TYK2: variants seen among roughly 807,000 people sequenced by gnomAD.
The protein encoded by TYK2 is tyrosine kinase 2.
A neutral mutation model predicts 130.9 loss-of-function variants in TYK2; 65 were observed. That is an observed-to-expected ratio of 0.50 (90% CI 0.41 to 0.61). TYK2 has a LOEUF of 0.61. TYK2 is among the 20% of genes least tolerant of loss of function. The probability of loss-of-function intolerance (pLI) is 0.00; values close to 1 mark genes in which losing one functional copy is unlikely to be tolerated. For synonymous variants in TYK2, 647 were observed against 658.9 expected, an observed-to-expected ratio of 0.98 and a Z score of 0.28; for missense variants, 1,378 against 1,610.7, an observed-to-expected ratio of 0.86 and a Z score of 2.47.
chr19:10,353,532 C>A lies in TYK2; in HGVS notation c.3023G>T (p.Cys1008Phe). 4.7e-6 allele frequency: 7 copies of A among 1,502,664 alleles called. No homozygotes were observed. Among genetic ancestry groups the A allele is most frequent in the Non-Finnish European group, 6.2e-6 (7 of 1,122,644 alleles). 93.1% of individuals were successfully genotyped at this position (1,502,664 alleles called of 1,614,324 possible). ...GCAGGGGCGGGGCCGACCAACCTCG[C>A]AGATCTGCTGGGCGAAGAGCAGCAG... is the stretch of plus-strand genomic sequence containing the variant. Reference protein sequence around the residue: ...AQLLLFAQQICEGMAYLHAQH... With the variant: ...AQLLLFAQQIFEGMAYLHAQH... Residue 1008 changes from cysteine to phenylalanine, a missense_variant, in exon 21 of 25, where the codon TGC becomes TTC. Coordinates refer to ENST00000525621, the MANE Select transcript of TYK2 (RefSeq NM_003331.5). The surrounding 1 kb of genome is among the most constrained non-coding windows in gnomAD (Gnocchi z 6.9).
At chr19:10,368,793 G>C (rs867026276) in intron 3 of TYK2, 1 of 234,992 alleles carries the variant, frequency 4.3e-6, no homozygotes, top group African/African-American at 2.3e-5. Flanking sequence ...CATCCAACCT[G>C]TACTTGATTT....
rs758697701 is a variant in TYK2, at chr19:10,365,685, C to T, written c.843G>A (p.Arg281=). ...GCTCCCCCTCGGCCTGGGCCAGCAGCCTCAGGTGGCACACGGGCACACGCT... is the reference window on the plus strand; with the variant it reads ...GCTCCCCCTCGGCCTGGGCCAGCAGTCTCAGGTGGCACACGGGCACACGCT... ...GTERVPVCHL[R]LLAQAEGEPC... The change falls in exon 7 of 25, where the codon AGG becomes AGA. Residue 281 remains arginine (R), a synonymous_variant. Coordinates refer to ENST00000525621, the MANE Select transcript of TYK2 (RefSeq NM_003331.5). The T allele has an allele frequency of 1.2e-6, 2 of 1,613,310 alleles. No homozygotes were observed. The highest frequency in any genetic ancestry group is 1.6e-4 in the Middle Eastern group (1 of 6,062).
chr19:10,377,437 T>C (rs1162949425), intron 3 of TYK2, among the ~76,000 whole-genome samples: 3 of 140,464 alleles, frequency 2.1e-5, no homozygotes, highest in African/African-American at 8.1e-5. Context: ...GATGGATGGA[T>C]GGATAGATGG....
In TYK2 at chr19:10,368,397, T is replaced by C; in HGVS notation, c.215A>G (p.Asn72Ser). 1.2e-6 allele frequency: 2 copies of C among 1,614,036 alleles called. No individual in the cohort carries two copies. The highest frequency in any genetic ancestry group is 1.7e-5 in the Admixed American group (1 of 59,972). Reference protein sequence around the residue: ...HKVGITPPCFNLFALFDAQAQ... With the variant: ...HKVGITPPCFSLFALFDAQAQ... Reference sequence around the variant, plus strand: ...CTGAGCATCGAAGAGGGCAAAGAGATTGAAGCAAGGAGGAGTGATACCTGG... The same window carrying C: ...CTGAGCATCGAAGAGGGCAAAGAGACTGAAGCAAGGAGGAGTGATACCTGG... Residue 72 changes from asparagine (N) to serine (S), a missense_variant, in exon 4 of 25, where the codon AAT becomes AGT. Transcript: ENST00000525621.
chr19:10,353,667 C>T lies in TYK2; in HGVS notation c.2909-21G>A. Reference sequence around the variant, plus strand: ...CTCGCCTGCCGCGGAGAGGGGCGGCCCCGGTGGGGGACGATAGAGGGCGGG... The same window carrying T: ...CTCGCCTGCCGCGGAGAGGGGCGGCTCCGGTGGGGGACGATAGAGGGCGGG... On this transcript the variant is annotated intron_variant, in intron 20 of 24. Transcript: ENST00000525621. The surrounding 1 kb of genome is among the most constrained non-coding windows in gnomAD (Gnocchi z 6.9). 6.8e-7 allele frequency: 1 copy of T among 1,464,094 alleles called. No homozygotes were observed. The highest frequency in any genetic ancestry group is 9.1e-7 in the Non-Finnish European group (1 of 1,104,872). The allele number at this position is 1,464,094 out of a possible 1,614,324, so 90.7% of individuals were successfully genotyped here.
rs2041663824 is a variant in TYK2 at position 10,366,354 on chromosome 19, G to A, written c.629+63C>T. 3.3e-6 allele frequency: 5 copies of A among 1,537,520 alleles called. No individual in the cohort carries two copies. In the South Asian group the frequency reaches 4.8e-5, roughly 15 times the overall value. ...ACGGCAATATGCAAAGTCTACCCTG[G>A]CTCCCAGATGCTCAGGACATTTCCC... On this transcript the variant is annotated intron_variant, in intron 6 of 24. Transcript: ENST00000525621.
In TYK2 at chr19:10,357,999, T is replaced by G. The variant is rs755612844; in HGVS notation, c.2311+4A>C. On this transcript the variant is annotated splice_donor_region_variant and intron_variant, in intron 16 of 24. Transcript: ENST00000525621. ...ACTGTGCCCAGGTCCCCTCAGGTAC[T>G]CACCCTCCCTGGAGAGGGCGCCCAG... The G allele has an allele frequency of 6.2e-7, 1 of 1,613,450 alleles. No homozygotes were observed. Among genetic ancestry groups the G allele is most frequent in the South Asian group, 1.1e-5 (1 of 91,078 alleles).
Position 10,368,142 on chromosome 19 carries a change from C to G in TYK2, c.378G>C (p.Gly126=). The change falls in exon 5 of 25, where the codon GGG becomes GGC. Residue 126 remains glycine, a synonymous_variant. Transcript: ENST00000525621. ...NPREPAVYRC[G]PPGTEASSDQ... The stretch of plus-strand genomic sequence containing the variant: ...CTGAGGATGCCTCGGTTCCTGGGGG[C>G]CCACAACGGTACACAGCCGGTTCCC... The G allele has an allele frequency of 1.2e-6, 2 of 1,614,042 alleles. No individual in the cohort carries two copies. The highest frequency in any genetic ancestry group is 2.2e-5 in the South Asian group (2 of 91,074).
In TYK2 at chr19:10,353,748, C is replaced by T; in HGVS notation, c.2909-102G>A. The T allele has an allele frequency of 1.1e-6, 1 of 871,530 alleles. No individual in the cohort carries two copies. Among genetic ancestry groups the T allele is most frequent in the Non-Finnish European group, 1.7e-6 (1 of 582,404 alleles). The allele number at this position is 871,530 out of a possible 1,614,324, so 54.0% of individuals were successfully genotyped here. A position where few individuals can be genotyped will look rare whatever the true frequency, so the allele number is the denominator to read the frequency against. On this transcript the variant is annotated intron_variant, in intron 20 of 24. Transcript: ENST00000525621. This position sits in a 1 kb window ranked among gnomAD's most constrained non-coding sequence, Gnocchi z 6.9. The stretch of plus-strand genomic sequence containing the variant: ...GCCCCTCCAAGGTCGGGAGGGAAGG[C>T]CAAGACCCGCGCACACTAGACCCAG...
intron 23 of TYK2, chr19:10,351,472 T>C (rs573489122): frequency 6.0e-5 from 21 of 350,868 alleles, no homozygotes; most frequent in African/African-American, 4.4e-4. Flanking sequence ...GGGATACAAG[T>C]GTGAAACTCC....
chr19:10,353,621 C>G lies in TYK2; in HGVS notation c.2934G>C (p.Met978Ile), dbSNP rs746369465. Residue 978 changes from methionine (M) to isoleucine (I), a missense_variant, in exon 21 of 25, where the codon ATG (methionine) becomes ATC (isoleucine). Coordinates refer to ENST00000525621, the MANE Select transcript of TYK2 (RefSeq NM_003331.5). The surrounding 1 kb of genome is among the most constrained non-coding windows in gnomAD (Gnocchi z 6.9). ...GGAGGCTGCCCAGGGGCACGTACTC[C>G]ATGACCAGCTGCAGCGACTTCTCGC... ...DQGEKSLQLV[M>I]EYVPLGSLRD... 2 of 1,477,344 alleles carry G rather than the reference C, an allele frequency of 1.4e-6. No individual in the cohort carries two copies. Among genetic ancestry groups the G allele is most frequent in the Non-Finnish European group, 1.8e-6 (2 of 1,113,440 alleles). The allele number at this position is 1,477,344 out of a possible 1,614,324, so 91.5% of individuals were successfully genotyped here.
intron 3 of TYK2, among the ~76,000 whole-genome samples, chr19:10,372,484 ATTTTTTTTTT>A (rs1170442654): frequency 3.7e-4 from 14 of 37,422 alleles, no homozygotes; most frequent in Non-Finnish European, 4.5e-4. Flanking sequence ...ATATATATAT[ATTTTTTTTTT>A]TTTTTTTTTT....
Position 10,361,281 on chromosome 19 carries a change from G to A in TYK2, c.2047+230C>T, listed in dbSNP as rs2041387323. The A allele has an allele frequency of 3.2e-6, 2 of 619,726 alleles. No homozygotes were observed. The highest frequency in any genetic ancestry group is 1.8e-5 in the African/African-American group (1 of 55,100). The allele number at this position is 619,726 out of a possible 1,614,324, so 38.4% of individuals were successfully genotyped here. On this transcript the variant is annotated intron_variant, in intron 14 of 24. Transcript: ENST00000525621. This position sits in a 1 kb window ranked among gnomAD's most constrained non-coding sequence, Gnocchi z 4.0. ...GGGAATCAGGGTGGGGGTTGAGACT[G>A]AGGGCAGGTGAGGGTCGACGTGTTG...
chr19:10,352,789 G>T, intron 22 of TYK2, 137 bp downstream of exon 22: 1 of 1,188,020 alleles, frequency 8.4e-7, no homozygotes, highest in Non-Finnish European at 1.2e-6. Flanking sequence ...GCCTCCATAG[G>T]CCCCACCCCC....
intron 3 of TYK2, 164 bp from the exon 4 acceptor site, chr19:10,368,582 GC>G: frequency 3.1e-6 from 3 of 980,850 alleles, no homozygotes; most frequent in Non-Finnish European, 3.0e-6. Context: ...TGCGTATGTT[GC>G]CCATGCTGTG....
chr19:10,357,253 G>A (rs2041146424), intron 17 of TYK2: 1 of 535,152 alleles, frequency 1.9e-6, no homozygotes, highest in African/African-American at 1.9e-5. Flanking sequence ...GCCGGGTGTG[G>A]TGGCATGTGC....
At position 10,354,370 on chromosome 19, in the gene TYK2, A is replaced by T. The variant is rs1052692081; in HGVS notation, c.2716-136T>A. ...GCCCCGCCTACTCCGCTCTATTAAG[A>T]CTCCTTGGCACCTAGGCCTCCCTCA... On this transcript the variant is annotated intron_variant, in intron 19 of 24. Coordinates refer to ENST00000525621, the MANE Select transcript of TYK2 (RefSeq NM_003331.5). The T allele has an allele frequency of 4.5e-5, 60 of 1,323,390 alleles. No homozygotes were observed. In the African/African-American group the frequency reaches 7.9e-4, roughly 17 times the overall value. The allele number at this position is 1,323,390 out of a possible 1,614,324, so 82.0% of individuals were successfully genotyped here.
At chr19:10,354,484 CT>C (rs771138181) in intron 19 of TYK2, 27 bp downstream of exon 19, 4 of 1,607,524 alleles carry the variant, frequency 2.5e-6, no homozygotes, top group Non-Finnish European at 2.6e-6. Context: ...CCAGGCGGGC[CT>C]TTTAGCAGCT....
At chr19:10,366,134 C>T (rs1040587434) in intron 6 of TYK2, among the ~76,000 whole-genome samples, 3 of 152,106 alleles carry the variant, frequency 2.0e-5, no homozygotes, top group Admixed American at 6.6e-5. Context: ...GAAACTCAGT[C>T]TGTCTCTACT....
Sources: gnomAD v4.1 joint callset for allele counts (sites outside exome capture counted in the v4.1 genomes callset) on GRCh38, gnomAD v4.1.1 for gene constraint, Gnocchi (gnomAD v3.1) non-coding constraint, MANE v1.5 for transcripts, NCBI Gene and HGNC (gene_info 2026-07-23, HGNC 2026-07-21) for gene names.